The following PCDHGB4 variants were observed in gnomAD, a reference collection of about 807,000 sequenced individuals.
The protein encoded by PCDHGB4 is protocadherin gamma subfamily B, 4, also known as protocadherin gamma-B4.
PCDHGB4 carries 38 observed loss-of-function variants against 60.5 expected under a neutral mutation model. The ratio of observed to expected loss-of-function variants is 0.63; its 90% confidence interval spans 0.48 to 0.82. PCDHGB4 has a LOEUF of 0.82. Ranked by LOEUF, PCDHGB4 falls within the 40% of genes least tolerant of loss-of-function variation. The probability of loss-of-function intolerance (pLI) is 0.00; values close to 1 mark genes in which losing one functional copy is unlikely to be tolerated. For missense variants in PCDHGB4, 1,109 were observed against 1,209.6 expected, an observed-to-expected ratio of 0.92 and a Z score of 1.23; for synonymous variants, 456 against 509.7, an observed-to-expected ratio of 0.89 and a Z score of 1.42.
Position 141,485,738 on chromosome 5 carries a change from A to G in PCDHGB4, c.2398-9069A>G, listed in dbSNP as rs1443978038. Reference sequence around the variant, plus strand: ...GGATGTGAAGAAGCGCAGCGACGGCAGCCTGGTCCCAGAGCTGCTCCTGGA... The same window carrying G: ...GGATGTGAAGAAGCGCAGCGACGGCGGCCTGGTCCCAGAGCTGCTCCTGGA... On this transcript the variant is annotated intron_variant, in intron 1 of 3. Transcript: ENST00000519479. This position sits in a 1 kb window ranked among gnomAD's most constrained non-coding sequence, Gnocchi z 5.7. 1 of 1,614,230 alleles carries G rather than the reference A, an allele frequency of 6.2e-7. No individual in the cohort carries two copies.
At chr5:141,465,923 C>G (rs908350232) in intron 1 of PCDHGB4, among the ~76,000 whole-genome samples, 2 of 152,062 alleles carry the variant, frequency 1.3e-5, no homozygotes, top group African/African-American at 4.8e-5. Flanking sequence ...GATTTCGAGT[C>G]CATCCTGGCT....
At chr5:141,429,196 A>T (rs2097195436) in intron 1 of PCDHGB4, 2 of 151,994 alleles carry the variant, frequency 1.3e-5, no homozygotes, top group African/African-American at 4.8e-5. Context: ...ACACACACAC[A>T]CACACACACG....
chr5:141,415,514 C>G, intron 1 of PCDHGB4: 2 of 1,614,178 alleles, frequency 1.2e-6, no homozygotes, highest in Non-Finnish European at 8.5e-7. Flanking sequence ...CCCAATTATG[C>G]GGACACGCTC....
At position 141,423,482 on chromosome 5, in the gene PCDHGB4, A is replaced by T. The variant is rs553914622; in HGVS notation, c.2397+33201A>T. On this transcript the variant is annotated intron_variant, in intron 1 of 3. Transcript: ENST00000519479. ...GTGGACGGGGTACAGGCTTTCCTGC[A>T]AACCTATTCCCACGAGGTCTCTCTC... is the stretch of plus-strand genomic sequence containing the variant. 1.1e-5 allele frequency: 17 copies of T among 1,613,968 alleles called. No homozygotes were observed. The African/African-American group carries it at 2.3e-4, about 22-fold the overall frequency.
intron 1 of PCDHGB4, among the ~76,000 whole-genome samples, chr5:141,407,707 G>C (rs894295431): frequency 1.3e-5 from 2 of 151,964 alleles, no homozygotes; most frequent in South Asian, 4.1e-4. Flanking sequence ...TTGAAGGTGG[G>C]GTGATGGCTA....
intron 2 of PCDHGB4, among the ~76,000 whole-genome samples, chr5:141,495,811 G>A (rs1164360438): frequency 1.3e-5 from 2 of 151,710 alleles, no homozygotes; most frequent in Admixed American, 1.3e-4. Flanking sequence ...GTTTCCTAGC[G>A]CCTTGTGTTC....
At chr5:141,461,501 T>A (rs113852528) in intron 1 of PCDHGB4, among the ~76,000 whole-genome samples, 4 of 152,310 alleles carry the variant, frequency 2.6e-5, no homozygotes, top group South Asian at 2.1e-4. Context: ...TTATTTTTCT[T>A]GGTGATTTGT....
At chr5:141,392,584 C>T (rs1252723609) in intron 1 of PCDHGB4, 1 of 473,072 alleles carries the variant, frequency 2.1e-6, no homozygotes, top group African/African-American at 2.0e-5. Context: ...CTGTAAGCGC[C>T]GCTGTTCACC....
chr5:141,485,454 C>T lies in PCDHGB4; in HGVS notation c.2398-9353C>T. On this transcript the variant is annotated intron_variant, in intron 1 of 3. Transcript: ENST00000519479. This position sits in a 1 kb window ranked among gnomAD's most constrained non-coding sequence, Gnocchi z 5.7. Reference sequence around the variant, plus strand: ...ATCAAGAACCCAATCGACCGAGAGGCACTGTGTGGGCTCAGTGCCAGCTGC... The same window carrying T: ...ATCAAGAACCCAATCGACCGAGAGGTACTGTGTGGGCTCAGTGCCAGCTGC... The T allele has an allele frequency of 6.2e-7, 1 of 1,614,162 alleles. No homozygotes were observed. Among genetic ancestry groups the T allele is most frequent in the East Asian group, 2.2e-5 (1 of 44,868 alleles).
chr5:141,450,615 T>C (rs2098687601), intron 1 of PCDHGB4, among the ~76,000 whole-genome samples: 1 of 151,340 alleles, frequency 6.6e-6, no homozygotes, highest in African/African-American at 2.4e-5. Flanking sequence ...GCCTCCTGAG[T>C]AGCTGGGATT....
intron 1 of PCDHGB4, chr5:141,417,974 G>A: frequency 6.2e-7 from 1 of 1,613,856 alleles, no homozygotes. Flanking sequence ...CTCGATTCCG[G>A]AGGAGCTGGC....
intron 1 of PCDHGB4, among the ~76,000 whole-genome samples, chr5:141,475,518 T>C (rs963473660): frequency 1.3e-5 from 2 of 152,356 alleles, no homozygotes; most frequent in East Asian, 1.9e-4. Flanking sequence ...TCCACGGAAA[T>C]GCTAAATGCC....
intron 1 of PCDHGB4, chr5:141,413,173 A>G: frequency 6.2e-7 from 1 of 1,600,856 alleles, no homozygotes; most frequent in African/African-American, 1.3e-5. Context: ...TAACCAGACT[A>G]CAATGGCCGC....
intron 1 of PCDHGB4, among the ~76,000 whole-genome samples, chr5:141,481,309 T>C (rs577046585): frequency 2.6e-4 from 39 of 152,310 alleles, no homozygotes; most frequent in African/African-American, 9.1e-4. Context: ...GGAAAAACCT[T>C]CCTAAAGCAC....
intron 1 of PCDHGB4, among the ~76,000 whole-genome samples, chr5:141,451,611 G>C (rs1004906441): frequency 6.6e-6 from 1 of 152,166 alleles, no homozygotes; most frequent in Admixed American, 6.5e-5. Context: ...GCTAGGCATG[G>C]TGGCTCAAAC....
chr5:141,455,149 TTA>T (rs537241375), intron 1 of PCDHGB4, among the ~76,000 whole-genome samples: 1 of 148,248 alleles, frequency 6.7e-6, no homozygotes, highest in Non-Finnish European at 1.5e-5. Context: ...TAAATAAATA[TTA>T]GTTTGTTGGT....
rs1427052612 is a variant in PCDHGB4 at position 141,493,002 on chromosome 5, A to G, written c.2398-1805A>G. Among the ~76,000 whole-genome samples, 4 of 152,246 alleles carry G rather than the reference A, an allele frequency of 2.6e-5. No individual in the cohort carries two copies. The highest frequency in any genetic ancestry group is 2.1e-4 in the South Asian group (1 of 4,832). On this transcript the variant is annotated intron_variant, in intron 1 of 3. Transcript: ENST00000519479. This position sits in a 1 kb window ranked among gnomAD's most constrained non-coding sequence, Gnocchi z 4.3. ...TCTCCTCTGGCAGATGGAAAGCTAT[A>G]GGCTCTGCCAGATGCCAGGGTGCCC... is the stretch of plus-strand genomic sequence containing the variant.
rs1330257915 is a variant in PCDHGB4 at position 141,486,153 on chromosome 5, C to T, written c.2398-8654C>T. Reference sequence around the variant, plus strand: ...GATGTGCGGGCTCGCGATGGGGGTTCTCCAGCCATGGAGCAACATTGCAGC... The same window carrying T: ...GATGTGCGGGCTCGCGATGGGGGTTTTCCAGCCATGGAGCAACATTGCAGC... On this transcript the variant is annotated intron_variant, in intron 1 of 3. Transcript: ENST00000519479. This position sits in a 1 kb window ranked among gnomAD's most constrained non-coding sequence, Gnocchi z 5.0. 1 of 1,614,084 alleles carries T rather than the reference C, an allele frequency of 6.2e-7. No homozygotes were observed. Among genetic ancestry groups the T allele is most frequent in the Non-Finnish European group, 8.5e-7 (1 of 1,180,036 alleles).
chr5:141,486,090 G>T lies in PCDHGB4; in HGVS notation c.2398-8717G>T, dbSNP rs190955361. 2.5e-6 allele frequency: 4 copies of T among 1,614,086 alleles called. No individual in the cohort carries two copies. In the East Asian group the frequency reaches 8.9e-5, roughly 36 times the overall value. On this transcript the variant is annotated intron_variant, in intron 1 of 3. Transcript: ENST00000519479. This position sits in a 1 kb window ranked among gnomAD's most constrained non-coding sequence, Gnocchi z 5.0. Reference sequence around the variant, plus strand: ...ACTACTGGAAAGCTTACTCTTTTGGGGCCCCTAGACTTTGAGAGTGAGAAT... The same window carrying T: ...ACTACTGGAAAGCTTACTCTTTTGGTGCCCCTAGACTTTGAGAGTGAGAAT...
Sources: allele counts gnomAD v4.1 joint callset (sites outside exome capture counted in the v4.1 genomes callset), GRCh38; gene constraint gnomAD v4.1.1; non-coding constraint Gnocchi (gnomAD v3.1); transcripts MANE v1.5; gene names NCBI Gene and HGNC (gene_info 2026-07-23, HGNC 2026-07-21).